NR1D1: variants seen among roughly 807,000 people sequenced by gnomAD.
The protein encoded by NR1D1 is nuclear receptor subfamily 1 group D member 1.
NR1D1 carries 17 observed loss-of-function variants against 51.1 expected under a neutral mutation model. The ratio of observed to expected loss-of-function variants is 0.33; its 90% CI spans 0.23 to 0.50. NR1D1 has a LOEUF of 0.50. Among genes scored for constraint, NR1D1 ranks in the 20% least tolerant of loss-of-function variants. The pLI, the probability that NR1D1 is intolerant of heterozygous loss-of-function variation, is 0.98. For synonymous variants in NR1D1, 341 were observed against 333.4 expected (o/e 1.02, Z -0.25); for missense variants, 647 against 830.4 (o/e 0.78, Z 2.71).
Position 40,097,154 on chromosome 17 carries a change from AAGG to A in NR1D1, c.278_280del (p.Ser93del), listed in dbSNP as rs755210375. 1.6e-5 allele frequency: 26 copies of A among 1,611,206 alleles called. No individual in the cohort carries two copies. The highest frequency in any genetic ancestry group is 1.2e-4 in the African/African-American group (9 of 74,804). ...ACTCCCAGGGGGGCTCCCATTATAG[AAGG>A]AGGAGGAGGATGACGACGAGGAAGA... On this transcript the variant is annotated inframe_deletion, in exon 2 of 8. Transcript: ENST00000246672.
intron 5 of NR1D1, 133 bp from the exon 6 acceptor site, chr17:40,095,253 G>A (rs1987728268): frequency 8.7e-7 from 1 of 1,144,494 alleles, no homozygotes; most frequent in South Asian, 1.6e-5. Flanking sequence ...TTCAGATAAA[G>A]TAGCAATTAG....
At chr17:40,094,785 C>T in intron 6 of NR1D1, 150 bp downstream of exon 6, 1 of 677,040 alleles carries the variant, frequency 1.5e-6, no homozygotes, top group East Asian at 2.8e-5. Context: ...GTAATCCCAG[C>T]TACTTGGAAG....
rs1447962410 is a variant in NR1D1 at position 40,100,099 on chromosome 17, TCAC to T, written c.-8_-6del. On this transcript the variant is annotated 5_prime_UTR_variant, in exon 1 of 8. An upstream open reading frame in the 5' UTR gains an earlier in-frame stop. Coordinates refer to ENST00000246672, the MANE Select transcript of NR1D1 (RefSeq NM_021724.5). ...GTTGGAGTCCAGGGTCGTCATGTCT[TCAC>T]CAGCTGAGAGCGGTCATTCAAACTG... 6.2e-7 allele frequency: 1 copy of T among 1,609,858 alleles called. No individual in the cohort carries two copies. The highest frequency in any genetic ancestry group is 2.2e-5 in the East Asian group (1 of 44,878).
Position 40,093,483 on chromosome 17 carries a change from T to C in NR1D1, c.1646-201A>G. 6.8e-7 allele frequency: 1 copy of C among 1,466,066 alleles called. No individual in the cohort carries two copies. Among genetic ancestry groups the C allele is most frequent in the Non-Finnish European group, 9.1e-7 (1 of 1,103,734 alleles). 90.8% of individuals were successfully genotyped at this position (1,466,066 alleles called of 1,614,324 possible). On this transcript the variant is annotated intron_variant, in intron 7 of 7. Coordinates refer to ENST00000246672, the MANE Select transcript of NR1D1 (RefSeq NM_021724.5). The surrounding 1 kb of genome is among the most constrained non-coding windows in gnomAD (Gnocchi z 5.9). ...GTGCCTGAAAGCTGGGAGCGTGGGC[T>C]CAGCAGGGCTGGTCACCTCCCATCC... is the stretch of plus-strand genomic sequence containing the variant.
chr17:40,094,031 C>G lies in NR1D1; in HGVS notation c.1526G>C (p.Gly509Ala), dbSNP rs201646271. 5 of 1,614,090 alleles carry G rather than the reference C, an allele frequency of 3.1e-6. No homozygotes were observed. Among genetic ancestry groups the G allele is most frequent in the Non-Finnish European group, 4.2e-6 (5 of 1,180,028 alleles). Residue 509 changes from glycine (G) to alanine (A), a missense_variant, in exon 7 of 8, where the codon GGT (glycine) becomes GCT (alanine). Gly to Ala is a moderately conservative substitution (Grantham distance 60). Around this residue, in one of 7 missense-constraint regions of NR1D1, gnomAD observed 155 missense variants for 236.8 expected, o/e 0.65. Coordinates refer to ENST00000246672, the MANE Select transcript of NR1D1 (RefSeq NM_021724.5). Reference protein sequence around the residue: ...SRTTYSLQELGAMGMGDLLSA... With the variant: ...SRTTYSLQELAAMGMGDLLSA... The stretch of plus-strand genomic sequence containing the variant: ...GAGCAGGTCTCCCATGCCCATGGCA[C>G]CAAGCTCCTGCAGGCTGTAGGTGGT...
At chr17:40,099,009 TG>T (rs71152641) in intron 1 of NR1D1, among the ~76,000 whole-genome samples, 1 of 136,188 alleles carries the variant, frequency 7.3e-6, no homozygotes, top group Non-Finnish European at 1.6e-5. Flanking sequence ...GTTTTGGTGA[TG>T]GGGGAGGGGG....
chr17:40,097,969 G>A (rs1362869259), intron 1 of NR1D1, among the ~76,000 whole-genome samples: 1 of 152,210 alleles, frequency 6.6e-6, no homozygotes, highest in Non-Finnish European at 1.5e-5. Flanking sequence ...AATCTGCCCA[G>A]CCTGGTTCCC....
At chr17:40,098,966 C>G (rs1987818131) in intron 1 of NR1D1, among the ~76,000 whole-genome samples, 1 of 151,052 alleles carries the variant, frequency 6.6e-6, no homozygotes, top group African/African-American at 2.4e-5. Flanking sequence ...AACAGAAGGC[C>G]ATGAAAGGTC....
Position 40,097,142 on chromosome 17 carries a change from C to T in NR1D1, c.293G>A (p.Ser98Asn), listed in dbSNP as rs374905517. Residue 98 changes from serine to asparagine, a missense_variant, in exon 2 of 8, where the codon AGC becomes AAC. By Grantham distance (46) the Ser-to-Asn change is conservative. Around this residue, in one of 7 missense-constraint regions of NR1D1, gnomAD observed 98 missense variants for 94.7 expected, o/e 1.03. Coordinates refer to ENST00000246672, the MANE Select transcript of NR1D1 (RefSeq NM_021724.5). ...GGCCACTTGTAGACTCCCAGGGGGG[C>T]TCCCATTATAGAAGGAGGAGGAGGA... ...SSSSSSFYNG[S>N]PPGSLQVAME... is the part of the protein sequence containing the mutation. 22 of 1,610,978 alleles carry T rather than the reference C, an allele frequency of 1.4e-5. No individual in the cohort carries two copies. Among genetic ancestry groups the T allele is most frequent in the Non-Finnish European group, 1.8e-5 (21 of 1,178,456 alleles).
chr17:40,099,339 C>A (rs933106962), intron 1 of NR1D1, among the ~76,000 whole-genome samples: 4 of 152,180 alleles, frequency 2.6e-5, no homozygotes, highest in Non-Finnish European at 4.4e-5. Context: ...CACGCGTTGC[C>A]GGGGCGACCG....
rs1206198476 is a variant in NR1D1 at position 40,095,834 on chromosome 17, C to T, written c.858G>A (p.Glu286=). 1.2e-6 allele frequency: 2 copies of T among 1,614,072 alleles called. No individual in the cohort carries two copies. The highest frequency in any genetic ancestry group is 2.2e-5 in the South Asian group (2 of 91,082). ...CCCGGGCCACCTGGGATATCACATC[C>T]TCCACTGTGGGCTCAGGGCTTGGGG... is the stretch of plus-strand genomic sequence containing the variant. ...PRSPSPEPTV[E]DVISQVARAH... Residue 286 remains glutamate (E), a synonymous_variant, in exon 5 of 8, where the codon GAG becomes GAA. Transcript: ENST00000246672.
chr17:40,096,210 G>GC (rs763528563), intron 4 of NR1D1, 123 bp from the exon 5 acceptor site: 8 of 1,411,550 alleles, frequency 5.7e-6, no homozygotes, highest in Non-Finnish European at 7.6e-6. Context: ...ACTAAAACCA[G>GC]CAAGTCCCCA....
Position 40,093,650 on chromosome 17 carries a change from A to G in NR1D1, c.1645+262T>C, listed in dbSNP as rs948197097. ...TACTTGTCCTTTGAGGCCCCAACTC[A>G]AGTGTCACCTCCTTCCCCAGCTCCC... On this transcript the variant is annotated intron_variant, in intron 7 of 7. Coordinates refer to ENST00000246672, the MANE Select transcript of NR1D1 (RefSeq NM_021724.5). The surrounding 1 kb of genome is among the most constrained non-coding windows in gnomAD (Gnocchi z 5.9). 18 of 652,534 alleles carry G rather than the reference A, an allele frequency of 2.8e-5. No individual in the cohort carries two copies. The highest frequency in any genetic ancestry group is 3.1e-5 in the Non-Finnish European group (12 of 386,282). The allele number at this position is 652,534 out of a possible 1,614,324, so 40.4% of individuals were successfully genotyped here.
Position 40,100,163 on chromosome 17 carries a change from G to A in NR1D1, c.-69C>T, listed in dbSNP as rs1987850243. The stretch of plus-strand genomic sequence containing the variant: ...CAAACTAGAGGTTGCGATCGCCGCT[G>A]TTGCCCCCTGGGCACTGGCTAAGGG... On this transcript the variant is annotated 5_prime_UTR_variant, in exon 1 of 8. Transcript: ENST00000246672. 13 of 1,267,760 alleles carry A rather than the reference G, an allele frequency of 1.0e-5. No homozygotes were observed. Among genetic ancestry groups the A allele is most frequent in the Middle Eastern group, 2.1e-4 (1 of 4,794 alleles). 78.5% of individuals were successfully genotyped at this position (1,267,760 alleles called of 1,614,324 possible). A position where few individuals can be genotyped will look rare whatever the true frequency, so the allele number is the denominator to read the frequency against.
Position 40,097,385 on chromosome 17 carries a change from A to G in NR1D1, c.50T>C (p.Ile17Thr), listed in dbSNP as rs757877456. The change falls in exon 2 of 8, where the codon ATT (isoleucine) becomes ACT (threonine). Residue 17 changes from isoleucine (I) to threonine (T), a missense_variant. Around this residue, in one of 7 missense-constraint regions of NR1D1, gnomAD observed 40 missense variants for 69.0 expected, o/e 0.58. Coordinates refer to ENST00000246672, the MANE Select transcript of NR1D1 (RefSeq NM_021724.5). ...GCTTGGGGAGGAGCCACTGGAGCCA[A>G]TGTAGGTGATGACGCCACCTGGAGA... ...NNNTGGVITY[I>T]GSSGSSPSRT... is the part of the protein sequence containing the mutation. 6.2e-6 allele frequency: 10 copies of G among 1,611,198 alleles called. No homozygotes were observed. The highest frequency in any genetic ancestry group is 1.3e-5 in the African/African-American group (1 of 74,818).
chr17:40,097,917 CCAGTTGGGGACATATA>C (rs1987797340), intron 1 of NR1D1, among the ~76,000 whole-genome samples: 1 of 152,186 alleles, frequency 6.6e-6, no homozygotes. Flanking sequence ...CACATTCCCC[CCAGTTGGGGACATATA>C]TTCTCTGAAG....
rs759242418 is a variant in NR1D1 at position 40,094,054 on chromosome 17, G to A, written c.1503C>T (p.Thr501=). The change falls in exon 7 of 8, where the codon ACC becomes ACT. Residue 501 remains threonine (T), a synonymous_variant. Transcript: ENST00000246672. The stretch of plus-strand genomic sequence containing the variant: ...CACCAAGCTCCTGCAGGCTGTAGGT[G>A]GTGCGGCTTAGGAACATCACTGTCT... ...KDQTVMFLSR[T]TYSLQELGAM... is the part of the protein sequence containing the mutation. 12 of 1,613,922 alleles carry A rather than the reference G, an allele frequency of 7.4e-6. No individual in the cohort carries two copies. The highest frequency in any genetic ancestry group is 1.7e-5 in the Admixed American group (1 of 60,004).
chr17:40,096,502 C>T lies in NR1D1; in HGVS notation c.545G>A (p.Arg182His), dbSNP rs745874824. ...NENCSIVRIN[R>H]NRCQQCRFKK... is the part of the protein sequence containing the mutation. ...GAAGCGACATTGCTGGCAGCGGTTG[C>T]GATTGATGCGGACGATGGAGCAATT... The change falls in exon 4 of 8, where the codon CGC becomes CAC. Residue 182 changes from arginine to histidine, a missense_variant. Physicochemically the swap from Arg to His is conservative, Grantham distance 29 (BLOSUM62 0). Coordinates refer to ENST00000246672, the MANE Select transcript of NR1D1 (RefSeq NM_021724.5). 1.2e-6 allele frequency: 2 copies of T among 1,614,208 alleles called. No homozygotes were observed. Among genetic ancestry groups the T allele is most frequent in the South Asian group, 1.1e-5 (1 of 91,084 alleles).
In NR1D1 at chr17:40,093,602, C is replaced by A. The variant is rs992637954; in HGVS notation, c.1645+310G>T. ...TCCCTCTGCCTGGGATGCCCTTCCC[C>A]CTTTCTCTGCCTGGCAACATCTTAC... is the stretch of plus-strand genomic sequence containing the variant. On this transcript the variant is annotated intron_variant, in intron 7 of 7. Coordinates refer to ENST00000246672, the MANE Select transcript of NR1D1 (RefSeq NM_021724.5). This position sits in a 1 kb window ranked among gnomAD's most constrained non-coding sequence, Gnocchi z 5.9. The A allele has an allele frequency of 5.4e-6, 4 of 741,606 alleles. No homozygotes were observed. Among genetic ancestry groups the A allele is most frequent in the Admixed American group, 2.9e-5 (1 of 34,072 alleles). 45.9% of individuals were successfully genotyped at this position (741,606 alleles called of 1,614,324 possible).
Sources: gnomAD v4.1 joint callset for allele counts (sites outside exome capture counted in the v4.1 genomes callset) on GRCh38, gnomAD v4.1.1 for gene constraint, gnomAD v4.1.1 regional missense constraint, Gnocchi (gnomAD v3.1) non-coding constraint, MANE v1.5 for transcripts, NCBI Gene and HGNC (gene_info 2026-07-23, HGNC 2026-07-21) for gene names.